C1QTNF3: variants seen among roughly 807,000 people sequenced by gnomAD.
C1QTNF3 encodes complement C1q tumor necrosis factor-related protein 3.
In C1QTNF3, 26 loss-of-function variants were observed where a neutral mutation model predicts 32.6. The ratio of observed to expected loss-of-function variants is 0.80; its 90% CI spans 0.58 to 1.11. C1QTNF3 has a LOEUF of 1.11. C1QTNF3 is among the 50% of genes least tolerant of loss of function. The probability of loss-of-function intolerance (pLI) is 0.00; values close to 1 mark genes in which losing one functional copy is unlikely to be tolerated. For synonymous variants in C1QTNF3, 155 were observed against 146.0 expected (o/e 1.06, Z -0.44); for missense variants, 362 against 398.2 (o/e 0.91, Z 0.77).
chr5:34,035,892 T>A (rs148145010), intron 1 of C1QTNF3, 134 bp from the exon 2 acceptor site: 1 of 666,176 alleles, frequency 1.5e-6, no homozygotes, highest in Admixed American at 2.9e-5. Context: ...AAAGATGGGA[T>A]GGGGTGGAGA....
chr5:34,033,550 G>C, intron 2 of C1QTNF3, 92 bp from the exon 3 acceptor site: 1 of 1,515,768 alleles, frequency 6.6e-7, no homozygotes, highest in Non-Finnish European at 9.1e-7. Context: ...AATTATGAAA[G>C]GGGACCATTC....
At chr5:34,233,612 A>G in the C1QTNF3 span, among the ~76,000 whole-genome samples, 1 of 152,092 alleles carries the variant, frequency 6.6e-6, no homozygotes, top group Non-Finnish European at 1.5e-5. Flanking sequence ...ACACTTTTTC[A>G]TCTTACCATC....
the C1QTNF3 span, chr5:34,158,609 C>T: frequency 1.3e-5 from 2 of 151,846 alleles, no homozygotes; most frequent in Non-Finnish European, 2.9e-5. Context: ...ATGTAGTTTC[C>T]TAGAGCCAAT....
the C1QTNF3 span, among the ~76,000 whole-genome samples, chr5:34,061,541 T>C: frequency 7.2e-5 from 11 of 152,182 alleles, no homozygotes; most frequent in Non-Finnish European, 1.2e-4. Context: ...TTTCCATATA[T>C]CTTCTGAAAT....
At chr5:34,155,355 C>A in the C1QTNF3 span, among the ~76,000 whole-genome samples, 7 of 152,194 alleles carry the variant, frequency 4.6e-5, no homozygotes, top group Non-Finnish European at 1.0e-4. Context: ...AAATAACCTA[C>A]AAGTAATCCC....
the C1QTNF3 span, among the ~76,000 whole-genome samples, chr5:34,222,819 T>G: frequency 6.6e-6 from 1 of 151,970 alleles, no homozygotes; most frequent in Non-Finnish European, 1.5e-5. Context: ...TCCTTTTTGC[T>G]GCAAACTGGC....
At chr5:34,126,426 A>C in the C1QTNF3 span, among the ~76,000 whole-genome samples, 3 of 150,380 alleles carry the variant, frequency 2.0e-5, no homozygotes, top group Admixed American at 2.0e-4. Context: ...GAAAATTAAA[A>C]ATATACAAAA....
the C1QTNF3 span, chr5:34,169,013 G>A: frequency 6.6e-6 from 1 of 152,178 alleles, no homozygotes; most frequent in African/African-American, 2.4e-5. Context: ...AGGGAGTTTG[G>A]TCCCTATTCC....
chr5:34,242,272 A>G, the C1QTNF3 span, among the ~76,000 whole-genome samples: 3 of 152,212 alleles, frequency 2.0e-5, no homozygotes, highest in South Asian at 2.1e-4. Flanking sequence ...CAGCTATACT[A>G]TAAGTGTACA....
At chr5:34,138,626 A>T in the C1QTNF3 span, among the ~76,000 whole-genome samples, 10 of 152,018 alleles carry the variant, frequency 6.6e-5, no homozygotes, top group Non-Finnish European at 1.0e-4. Context: ...CCTGTCATGA[A>T]TTTTTTTGGT....
At chr5:34,082,184 G>T in the C1QTNF3 span, among the ~76,000 whole-genome samples, 1 of 151,368 alleles carries the variant, frequency 6.6e-6, no homozygotes, top group Admixed American at 6.6e-5. Context: ...GCTTTGCTCT[G>T]GCCCACTAAA....
the C1QTNF3 span, among the ~76,000 whole-genome samples, chr5:34,224,878 G>A: frequency 6.6e-6 from 1 of 152,040 alleles, no homozygotes; most frequent in South Asian, 2.1e-4. Context: ...CTACAAAATG[G>A]GAGAAAATTT....
the C1QTNF3 span, among the ~76,000 whole-genome samples, chr5:34,109,617 A>AT: frequency 6.6e-6 from 1 of 152,036 alleles, no homozygotes; most frequent in Non-Finnish European, 1.5e-5. Flanking sequence ...TATTTTAGAG[A>AT]TCCCCAAATT....
the C1QTNF3 span, among the ~76,000 whole-genome samples, chr5:34,222,460 AT>A: frequency 6.6e-6 from 1 of 151,612 alleles, no homozygotes; most frequent in African/African-American, 2.4e-5. Flanking sequence ...ATTAGCAAAA[AT>A]ATTAAATGAA....
chr5:34,020,649 G>C lies in C1QTNF3; in HGVS notation c.894C>G (p.Gly298=). 1 of 1,614,142 alleles carries C rather than the reference G, an allele frequency of 6.2e-7. No homozygotes were observed. The highest frequency in any genetic ancestry group is 8.5e-7 in the Non-Finnish European group (1 of 1,180,030). ...AGCGTTGGTGGTCCCCATGGAGAGC[G>C]CCATTGCCCATTCGCAGCCAAACCT... is the stretch of plus-strand genomic sequence containing the variant. ...GDEVWLRMGN[G]ALHGDHQRFS... is the part of the protein sequence containing the mutation. Residue 298 remains glycine, a synonymous_variant, in exon 6 of 6, where the codon GGC becomes GGG. Coordinates refer to ENST00000382065, the MANE Select transcript of C1QTNF3 (RefSeq NM_181435.6).
the C1QTNF3 span, among the ~76,000 whole-genome samples, chr5:34,084,840 A>G: frequency 1.5e-5 from 2 of 133,854 alleles, no homozygotes; most frequent in Non-Finnish European, 3.1e-5. Flanking sequence ...TCTTTAGTTT[A>G]ATTAGATCCC....
intron 4 of C1QTNF3, among the ~76,000 whole-genome samples, 185 bp downstream of exon 4, chr5:34,028,569 T>G (rs1040215777): frequency 2.6e-5 from 4 of 152,232 alleles, no homozygotes; most frequent in Non-Finnish European, 4.4e-5. Context: ...CTAAATGAGC[T>G]GTTTGGTTTA....
the C1QTNF3 span, among the ~76,000 whole-genome samples, chr5:34,092,588 A>G: frequency 6.7e-6 from 1 of 148,238 alleles, no homozygotes; most frequent in East Asian, 1.9e-4. Context: ...ATTAGTTCTC[A>G]TTGATCTGAA....
chr5:34,028,698 A>C, intron 4 of C1QTNF3, 56 bp downstream of exon 4: 2 of 1,452,562 alleles, frequency 1.4e-6, no homozygotes, highest in Non-Finnish European at 1.8e-6. Context: ...TCCTTCCTTA[A>C]TTGTCTTTAT....
Sources: gnomAD v4.1 joint callset for allele counts (sites outside exome capture counted in the v4.1 genomes callset) on GRCh38, gnomAD v4.1.1 for gene constraint, MANE v1.5 for transcripts, NCBI Gene and HGNC (gene_info 2026-07-23, HGNC 2026-07-21) for gene names.